The following HHLA2 variants were observed in gnomAD, a reference collection of about 807,000 sequenced individuals.
HHLA2 encodes the protein HERV-H LTR-associating protein 2.
HHLA2 carries 48 observed loss-of-function variants against 45.9 expected under a neutral mutation model. The ratio of observed to expected loss-of-function variants is 1.05; its 90% CI spans 0.83 to 1.33. HHLA2 has a LOEUF of 1.33. Among genes scored for constraint, HHLA2 ranks in the 40% most tolerant of loss-of-function variants. The probability of loss-of-function intolerance (pLI) is 0.00; values close to 1 mark genes in which losing one functional copy is unlikely to be tolerated. For missense variants in HHLA2, 462 were observed against 494.3 expected, an observed-to-expected ratio of 0.93 and a Z score of 0.62; for synonymous variants, 161 against 173.9, an observed-to-expected ratio of 0.93 and a Z score of 0.59.
exon 5 of HHLA2, chr3:108,353,606 G>C: frequency 6.2e-7 from 1 of 1,613,720 alleles, no homozygotes; most frequent in South Asian, 1.1e-5. Context: ...TGACCATTTG[G>C]AAAGCCAAGA....
chr3:108,370,262 CCTGA>C (rs746570793), intron 8 of HHLA2, among the ~76,000 whole-genome samples: 12 of 152,170 alleles, frequency 7.9e-5, no homozygotes, highest in Admixed American at 5.9e-4. Flanking sequence ...AGCTGAGGGT[CCTGA>C]CTGTTTGTTA....
intron 3 of HHLA2, among the ~76,000 whole-genome samples, chr3:108,346,831 T>C (rs1452018989): frequency 2.2e-4 from 34 of 152,218 alleles, no homozygotes; most frequent in Non-Finnish European, 1.5e-5. Context: ...ATGGCTGTGG[T>C]CAATTTAGTC....
At position 108,354,607 on chromosome 3, in the gene HHLA2, A is replaced by G. The variant is rs1021895243; in HGVS notation, c.419-508A>G. 2.6e-5 allele frequency among the ~76,000 whole-genome samples: 4 copies of G among 152,222 alleles called. No individual in the cohort carries two copies. In the South Asian group the frequency reaches 8.3e-4, roughly 32 times the overall value. ...AGAACAATCTTACATATAGATATAT[A>G]TACACACACACACATACATGCAGTA... On this transcript the variant is annotated intron_variant, in intron 5 of 10. Coordinates refer to ENST00000619531, the Ensembl canonical transcript of HHLA2.
intron 1 of HHLA2, among the ~76,000 whole-genome samples, chr3:108,309,528 CTTTTTTGT>C (rs1478771894): frequency 1.3e-5 from 2 of 152,032 alleles, no homozygotes; most frequent in African/African-American, 4.8e-5. Context: ...CAAGTTTCTC[CTTTTTTGT>C]TTTTTTGTGA....
At chr3:108,307,625 ACT>A (rs1263062552) in intron 1 of HHLA2, among the ~76,000 whole-genome samples, 1 of 150,402 alleles carries the variant, frequency 6.6e-6, no homozygotes, top group East Asian at 1.9e-4. Flanking sequence ...TAAGAGTGAA[ACT>A]CTGTCTCAAA....
intron 1 of HHLA2, among the ~76,000 whole-genome samples, chr3:108,306,699 T>G (rs1245530382): frequency 6.6e-6 from 1 of 152,220 alleles, no homozygotes; most frequent in Non-Finnish European, 1.5e-5. Flanking sequence ...TTAGGCCAAC[T>G]TTTTTAACAT....
intron 3 of HHLA2, among the ~76,000 whole-genome samples, chr3:108,335,886 T>C (rs903174920): frequency 3.9e-5 from 6 of 151,908 alleles, no homozygotes; most frequent in African/African-American, 1.5e-4. Flanking sequence ...AGTAGCTGAG[T>C]GATCCATTTG....
intron 6 of HHLA2, among the ~76,000 whole-genome samples, chr3:108,356,872 G>T (rs1037246680): frequency 2.6e-5 from 4 of 152,196 alleles, no homozygotes; most frequent in African/African-American, 9.7e-5. Flanking sequence ...GGTTGTCACA[G>T]AATATGTGCT....
At chr3:108,357,762 T>G in intron 6 of HHLA2, 82 bp from the exon 6 acceptor site, 1 of 1,163,080 alleles carries the variant, frequency 8.6e-7, no homozygotes, top group Non-Finnish European at 1.2e-6. Context: ...GTGCCTTTGT[T>G]CTCTGCTTTC....
At chr3:108,345,680 A>G (rs2081648502) in intron 3 of HHLA2, among the ~76,000 whole-genome samples, 1 of 152,174 alleles carries the variant, frequency 6.6e-6, no homozygotes, top group African/African-American at 2.4e-5. Flanking sequence ...TCCAGACATG[A>G]CCCAAGGAAA....
At chr3:108,343,163 T>G (rs2081604929) in intron 3 of HHLA2, among the ~76,000 whole-genome samples, 1 of 152,216 alleles carries the variant, frequency 6.6e-6, no homozygotes, top group African/African-American at 2.4e-5. Flanking sequence ...GAGGTCAAGA[T>G]AAGTTGGAGG....
chr3:108,320,895 C>T (rs1381564578), intron 2 of HHLA2, among the ~76,000 whole-genome samples: 1 of 151,970 alleles, frequency 6.6e-6, no homozygotes, highest in Non-Finnish European at 1.5e-5. Context: ...ATGAATTACC[C>T]TGGGTTTCTT....
At chr3:108,368,762 G>C (rs531066563) in intron 8 of HHLA2, among the ~76,000 whole-genome samples, 96 of 152,132 alleles carry the variant, frequency 6.3e-4, no homozygotes, top group African/African-American at 2.2e-3. Context: ...AAGAGACTTA[G>C]ACTCTCACAC....
chr3:108,348,236 T>G (rs2081704692), intron 3 of HHLA2, among the ~76,000 whole-genome samples: 1 of 151,798 alleles, frequency 6.6e-6, no homozygotes, highest in Non-Finnish European at 1.5e-5. Context: ...AAAGAAAAAC[T>G]AGGAGAGTAT....
chr3:108,340,925 T>C, intron 3 of HHLA2, among the ~76,000 whole-genome samples: 1 of 123,196 alleles, frequency 8.1e-6, no homozygotes, highest in African/African-American at 3.0e-5. Flanking sequence ...CCTTCCTTCC[T>C]TCCTTCCTTC....
At chr3:108,296,666 G>A (rs1175087831) in intron 1 of HHLA2, 67 bp downstream of exon 1, 2 of 152,082 alleles carry the variant, frequency 1.3e-5, no homozygotes, top group Admixed American at 6.5e-5. Context: ...ATCAAATATG[G>A]GTGGTTTTTA....
Position 108,349,869 on chromosome 3 carries a change from A to G in HHLA2, c.-26-1919A>G, listed in dbSNP as rs77396588. Among the ~76,000 whole-genome samples the G allele has an allele frequency of 7.0e-3, 1,072 of 152,294 alleles. 8 individuals are homozygous for G. Among genetic ancestry groups the G allele is most frequent in the South Asian group, 0.03 (146 of 4,830 alleles). ...GAGAACAGGGAATGTCAGTTTCAAG[A>G]GAAGGTAGCAAATATTGGAGTCATT... On this transcript the variant is annotated intron_variant, in intron 3 of 10. Transcript: ENST00000619531.
chr3:108,325,413 C>A (rs2081270165), intron 2 of HHLA2: 1 of 362,508 alleles, frequency 2.8e-6, no homozygotes, highest in African/African-American at 2.2e-5. Flanking sequence ...CACCACTGTG[C>A]TTGGCTGAAT....
chr3:108,363,020 C>G (rs76144954), intron 8 of HHLA2, among the ~76,000 whole-genome samples: 3,472 of 152,112 alleles, frequency 0.023, 115 homozygotes, highest in African/African-American at 0.079. Flanking sequence ...CTGCATTGTT[C>G]TTTTCTTATG....
Sources: gnomAD v4.1 joint callset for allele counts (sites outside exome capture counted in the v4.1 genomes callset) on GRCh38, gnomAD v4.1.1 for gene constraint, MANE v1.5 for transcripts, NCBI Gene and HGNC (gene_info 2026-07-23, HGNC 2026-07-21) for gene names.